Variants in AGBL4 observed in about 807,000 individuals in gnomAD.
AGBL4 encodes the protein cytosolic carboxypeptidase 6.
In AGBL4, 58 loss-of-function variants were observed where a neutral mutation model predicts 66.4. The observed-to-expected ratio is 0.87, with a 90% confidence interval of 0.71 to 1.09. The LOEUF is 1.09. AGBL4 is among the 50% of genes least tolerant of loss of function. The pLI is 0.00. For missense variants in AGBL4, 579 were observed against 631.0 expected (o/e 0.92, Z 0.88); for synonymous variants, 234 against 222.9 (o/e 1.05, Z -0.44).
chr1:49,162,720 C>G (rs567526761), intron 4 of AGBL4, among the ~76,000 whole-genome samples: 2 of 152,266 alleles, frequency 1.3e-5, no homozygotes, highest in African/African-American at 4.8e-5. Context: ...TTTACTACCT[C>G]GGAGACCTAA....
At chr1:49,085,748 T>G (rs1209318251) in intron 4 of AGBL4, among the ~76,000 whole-genome samples, 2 of 152,056 alleles carry the variant, frequency 1.3e-5, no homozygotes, top group Admixed American at 6.5e-5. Flanking sequence ...GAGGGTCCCC[T>G]GGGGGATTCA....
chr1:48,878,303 T>C (rs1357327586), intron 5 of AGBL4, among the ~76,000 whole-genome samples: 1 of 152,166 alleles, frequency 6.6e-6, no homozygotes, highest in East Asian at 1.9e-4. Context: ...CTGAATGAAA[T>C]GGATCAGGAA....
Position 49,843,296 on chromosome 1 carries a change from T to TTGTGTG in AGBL4, c.157+8094_157+8099dup, listed in dbSNP as rs71307607. Among the ~76,000 whole-genome samples the TTGTGTG allele has an allele frequency of 5.1e-3, 757 of 147,870 alleles. 4 individuals carry two copies. The highest frequency in any genetic ancestry group is 0.017 in the African/African-American group (688 of 40,064). Reference sequence around the variant, plus strand: ...TGTGTGTCACCATGCCTAGCTAATTTTGTGTGTGTGTGTGTGTGTGTGTGT... The same window carrying TTGTGTG: ...TGTGTGTCACCATGCCTAGCTAATTTTGTGTGTGTGTGTGTGTGTGTGTGTGTGTGT... On this transcript the variant is annotated intron_variant, in intron 2 of 13. Coordinates refer to ENST00000371839, the MANE Select transcript of AGBL4 (RefSeq NM_032785.4).
chr1:48,564,576 A>C (rs1054778496), intron 11 of AGBL4, among the ~76,000 whole-genome samples: 1 of 152,086 alleles, frequency 6.6e-6, no homozygotes, highest in Non-Finnish European at 1.5e-5. Flanking sequence ...TCCCCTGCCT[A>C]TCAACTTGTT....
chr1:49,509,989 GAGCA>G (rs1420575395), intron 3 of AGBL4, among the ~76,000 whole-genome samples: 2 of 152,000 alleles, frequency 1.3e-5, no homozygotes, highest in Admixed American at 6.6e-5. Context: ...ATTCAAGGAT[GAGCA>G]AAAGGCTAAT....
intron 3 of AGBL4, among the ~76,000 whole-genome samples, chr1:49,488,705 T>A (rs1269727988): frequency 6.6e-6 from 1 of 151,812 alleles, no homozygotes; most frequent in East Asian, 1.9e-4. Flanking sequence ...CCACTATCCT[T>A]CTTTTCCTGT....
At chr1:48,819,335 T>C (rs1388244815) in intron 6 of AGBL4, among the ~76,000 whole-genome samples, 1 of 152,138 alleles carries the variant, frequency 6.6e-6, no homozygotes, top group Admixed American at 6.5e-5. Context: ...AAGGGGTCAT[T>C]AGGCCAGATT....
chr1:49,764,033 G>GTGTTCCTCTGT (rs1024806453), intron 2 of AGBL4, among the ~76,000 whole-genome samples: 2 of 152,194 alleles, frequency 1.3e-5, no homozygotes, highest in African/African-American at 4.8e-5. Context: ...GTGTTCCTCT[G>GTGTTCCTCTGT]GAAAGCAGCC....
chr1:49,012,665 A>G (rs1482550965), intron 5 of AGBL4, among the ~76,000 whole-genome samples: 1 of 152,202 alleles, frequency 6.6e-6, no homozygotes, highest in Non-Finnish European at 1.5e-5. Flanking sequence ...CCTGTACCTG[A>G]AATTCTACCA....
chr1:49,540,756 C>T (rs553956992), intron 3 of AGBL4, among the ~76,000 whole-genome samples: 1 of 152,210 alleles, frequency 6.6e-6, no homozygotes, highest in African/African-American at 2.4e-5. Flanking sequence ...TCATTTTAAT[C>T]ATTCAACTAA....
At chr1:49,031,699 C>T (rs1664242814) in intron 5 of AGBL4, among the ~76,000 whole-genome samples, 1 of 152,034 alleles carries the variant, frequency 6.6e-6, no homozygotes, top group Non-Finnish European at 1.5e-5. Context: ...AGTTCTCTGG[C>T]AGTGGTGTAG....
intron 4 of AGBL4, among the ~76,000 whole-genome samples, chr1:49,189,106 A>G (rs1267546481): frequency 6.6e-6 from 1 of 152,186 alleles, no homozygotes; most frequent in Non-Finnish European, 1.5e-5. Context: ...GTTACCACAC[A>G]GCCAGTGAGC....
intron 2 of AGBL4, among the ~76,000 whole-genome samples, chr1:49,785,953 G>C (rs1644444418): frequency 6.7e-6 from 1 of 150,238 alleles, no homozygotes; most frequent in South Asian, 2.1e-4. Context: ...TATGGGAAAA[G>C]GTATCAGGAA....
chr1:49,296,798 G>A (rs1369880303), intron 3 of AGBL4, among the ~76,000 whole-genome samples: 1 of 152,196 alleles, frequency 6.6e-6, no homozygotes, highest in African/African-American at 2.4e-5. Flanking sequence ...CTTAGTTAAG[G>A]CAGAGCCTCT....
At chr1:49,942,060 C>G (rs1448218667) in intron 1 of AGBL4, among the ~76,000 whole-genome samples, 1 of 151,922 alleles carries the variant, frequency 6.6e-6, no homozygotes, top group African/African-American at 2.4e-5. Context: ...TCTTCATACA[C>G]TGAAAATGAT....
chr1:49,951,153 C>T (rs1441669877), intron 1 of AGBL4, among the ~76,000 whole-genome samples: 1 of 151,696 alleles, frequency 6.6e-6, no homozygotes, highest in East Asian at 1.9e-4. Flanking sequence ...ACCTATTGTA[C>T]AGCACGGTGA....
chr1:49,697,367 A>G lies in AGBL4; in HGVS notation c.228T>C (p.Asn76=), dbSNP rs1647006791. 6.5e-7 allele frequency: 1 copy of G among 1,548,886 alleles called. No individual in the cohort carries two copies. Among genetic ancestry groups the G allele is most frequent in the Admixed American group, 2.0e-5 (1 of 50,946 alleles). ...YDLFIRPDTC[N]PRFRVWFNFT... ...AGTTGAACCAGACTCGGAAGCGTGG[A>G]TTACAGGTGTCCGGCCTAATGAACA... The change falls in exon 3 of 14, where the codon AAT becomes AAC. Residue 76 remains asparagine (N), a synonymous_variant. Transcript: ENST00000371839.
intron 3 of AGBL4, among the ~76,000 whole-genome samples, chr1:49,392,442 C>A (rs1211826998): frequency 6.6e-6 from 1 of 152,114 alleles, no homozygotes; most frequent in African/African-American, 2.4e-5. Flanking sequence ...ATGAGTTGGT[C>A]AATGAATTGG....
chr1:48,821,780 G>C (rs1646320118), intron 6 of AGBL4, among the ~76,000 whole-genome samples: 2 of 151,890 alleles, frequency 1.3e-5, no homozygotes, highest in African/African-American at 2.4e-5. Context: ...AAAGTGAAAA[G>C]GCAAGCAACA....
Sources: gnomAD v4.1 joint callset for allele counts (sites outside exome capture counted in the v4.1 genomes callset) on GRCh38, gnomAD v4.1.1 for gene constraint, MANE v1.5 for transcripts, NCBI Gene and HGNC (gene_info 2026-07-23, HGNC 2026-07-21) for gene names.